Variants in CREBL2 observed in about 807,000 individuals in gnomAD.
CREBL2 encodes cAMP responsive element binding protein like 2.
A neutral mutation model predicts 19.5 loss-of-function variants in CREBL2; 4 were observed. The observed-to-expected ratio is 0.20, with a 90% confidence interval of 0.10 to 0.47. The LOEUF is 0.47. CREBL2 is among the 20% of genes least tolerant of loss of function. CREBL2 has a pLI of 0.98. For synonymous variants in CREBL2, 42 were observed against 46.6 expected (o/e 0.90, Z 0.40); for missense variants, 85 against 145.1 (o/e 0.59, Z 2.13).
intron 1 of CREBL2, among the ~76,000 whole-genome samples, chr12:12,622,169 A>C (rs1337982345): frequency 6.6e-6 from 1 of 152,236 alleles, no homozygotes; most frequent in Non-Finnish European, 1.5e-5. Context: ...GTGTGATCCC[A>C]TACCAAAATA....
At chr12:12,615,145 G>C (rs1053566292) in intron 1 of CREBL2, among the ~76,000 whole-genome samples, 3 of 152,154 alleles carry the variant, frequency 2.0e-5, no homozygotes, top group Non-Finnish European at 4.4e-5. Flanking sequence ...CTCCTGAGTA[G>C]CTGGGATTAC....
intron 2 of CREBL2, 44 bp from the exon 3 acceptor site, chr12:12,637,526 A>G: frequency 8.6e-7 from 1 of 1,169,536 alleles, no homozygotes; most frequent in Non-Finnish European, 1.1e-6. Context: ...TAATTTAAAT[A>G]TGTTTTAAAT....
chr12:12,635,388 T>C (rs1437161519), intron 1 of CREBL2, among the ~76,000 whole-genome samples: 1 of 149,366 alleles, frequency 6.7e-6, no homozygotes, highest in Non-Finnish European at 1.5e-5. Context: ...AAAAAAAAAA[T>C]TGTCATGAAC....
chr12:12,621,558 A>T (rs914817325), intron 1 of CREBL2, among the ~76,000 whole-genome samples: 5 of 151,204 alleles, frequency 3.3e-5, no homozygotes, highest in African/African-American at 1.2e-4. Flanking sequence ...GCAGCAGGCT[A>T]TATTTGAGTT....
At position 12,644,901 on chromosome 12, in the gene CREBL2, T is replaced by C. The variant is rs1945553250; in HGVS notation, c.*2903T>C. 6.6e-6 allele frequency: 1 copy of C among 152,228 alleles called. No homozygotes were observed. Among genetic ancestry groups the C allele is most frequent in the Non-Finnish European group, 1.5e-5 (1 of 68,032 alleles). The allele number at this position is 152,228 out of a possible 1,614,324, so 9.4% of individuals were successfully genotyped here. On this transcript the variant is annotated 3_prime_UTR_variant, in exon 4 of 4. Coordinates refer to ENST00000228865, the MANE Select transcript of CREBL2 (RefSeq NM_001310.4). ...TATATTTCACAAGAAATCAGTTGCA[T>C]ATTATCCATTACATATTTAGTTTTA...
chr12:12,640,027 A>G (rs1167370690), intron 3 of CREBL2, among the ~76,000 whole-genome samples: 1 of 152,140 alleles, frequency 6.6e-6, no homozygotes, highest in African/African-American at 2.4e-5. Context: ...ATCACAGGGC[A>G]AAGGGCAAAA....
At chr12:12,616,474 TAGTG>T (rs1404236613) in intron 1 of CREBL2, among the ~76,000 whole-genome samples, 3 of 152,216 alleles carry the variant, frequency 2.0e-5, no homozygotes, top group African/African-American at 7.2e-5. Context: ...TTGAAAACCT[TAGTG>T]AGCATCAAAA....
At chr12:12,631,274 G>C (rs1192346451) in intron 1 of CREBL2, among the ~76,000 whole-genome samples, 1 of 152,202 alleles carries the variant, frequency 6.6e-6, no homozygotes, top group Non-Finnish European at 1.5e-5. Flanking sequence ...TGGAGGTAGG[G>C]AGACAGGTCT....
intron 1 of CREBL2, among the ~76,000 whole-genome samples, chr12:12,620,033 A>C (rs1945348279): frequency 6.6e-6 from 1 of 152,058 alleles, no homozygotes; most frequent in African/African-American, 2.4e-5. Flanking sequence ...ACATTCCCTC[A>C]TTTATCTTTT....
At chr12:12,614,599 C>G (rs1276087099) in intron 1 of CREBL2, 2 of 243,678 alleles carry the variant, frequency 8.2e-6, no homozygotes, top group Non-Finnish European at 1.6e-5. Context: ...TCCCAAGTGG[C>G]TGGGACTACA....
At chr12:12,619,822 C>G (rs765755423) in intron 1 of CREBL2, among the ~76,000 whole-genome samples, 9 of 152,320 alleles carry the variant, frequency 5.9e-5, no homozygotes, top group African/African-American at 2.2e-4. Context: ...CAACTACTGG[C>G]TGCAGCATGC....
chr12:12,632,328 C>T lies in CREBL2; in HGVS notation c.16-3449C>T, dbSNP rs559772718. Among the ~76,000 whole-genome samples, 181 of 151,994 alleles carry T rather than the reference C, an allele frequency of 1.2e-3. 2 individuals are homozygous for T. Among genetic ancestry groups the T allele is most frequent in the African/African-American group, 4.1e-3 (172 of 41,470 alleles). On this transcript the variant is annotated intron_variant, in intron 1 of 3. Transcript: ENST00000228865. Reference sequence around the variant, plus strand: ...TCCTGACCTCGTGATCCGCCCGCCTCGGCCTCCCAAAGTGCTGGGATTACA... The same window carrying T: ...TCCTGACCTCGTGATCCGCCCGCCTTGGCCTCCCAAAGTGCTGGGATTACA...
chr12:12,627,989 C>T (rs576130121), intron 1 of CREBL2, among the ~76,000 whole-genome samples: 2 of 152,254 alleles, frequency 1.3e-5, no homozygotes, highest in African/African-American at 4.8e-5. Flanking sequence ...AAGCGATTCT[C>T]CTGCCTCAGC....
At chr12:12,635,725 T>C in intron 1 of CREBL2, 52 bp from the exon 2 acceptor site, 1 of 1,546,458 alleles carries the variant, frequency 6.5e-7, no homozygotes, top group Non-Finnish European at 8.7e-7. Flanking sequence ...CATATTCACT[T>C]TTCTGTACAC....
chr12:12,612,021 C>T lies in CREBL2; in HGVS notation c.-152C>T. 2 of 920,134 alleles carry T rather than the reference C, an allele frequency of 2.2e-6. No individual in the cohort carries two copies. Among genetic ancestry groups the T allele is most frequent in the Non-Finnish European group, 1.7e-6 (1 of 599,730 alleles). 57.0% of individuals were successfully genotyped at this position (920,134 alleles called of 1,614,324 possible). Reference sequence around the variant, plus strand: ...CTGAACTGGTCCCTCGTCCCCGTGACTCTGGCATCAGGGAAGCGAACTGTT... The same window carrying T: ...CTGAACTGGTCCCTCGTCCCCGTGATTCTGGCATCAGGGAAGCGAACTGTT... On this transcript the variant is annotated 5_prime_UTR_variant, in exon 1 of 4. Coordinates refer to ENST00000228865, the MANE Select transcript of CREBL2 (RefSeq NM_001310.4).
At chr12:12,641,905 G>GAA in intron 3 of CREBL2, 89 bp from the exon 4 acceptor site, 8 of 800,844 alleles carry the variant, frequency 1.0e-5, no homozygotes, top group South Asian at 5.1e-5. Context: ...ATACTAAACT[G>GAA]AAAAAAAAAA....
At chr12:12,631,749 A>C (rs557059693) in intron 1 of CREBL2, among the ~76,000 whole-genome samples, 2 of 152,152 alleles carry the variant, frequency 1.3e-5, no homozygotes, top group Non-Finnish European at 2.9e-5. Context: ...TTAGTAGTTA[A>C]GGCAACTGGT....
At position 12,644,657 on chromosome 12, in the gene CREBL2, C is replaced by T. The variant is rs1386875203; in HGVS notation, c.*2659C>T. The T allele has an allele frequency of 6.6e-6, 1 of 152,616 alleles. No homozygotes were observed. The highest frequency in any genetic ancestry group is 1.5e-5 in the Non-Finnish European group (1 of 68,036). 9.5% of individuals were successfully genotyped at this position (152,616 alleles called of 1,614,324 possible). On this transcript the variant is annotated 3_prime_UTR_variant, in exon 4 of 4. Transcript: ENST00000228865. ...TTCTTTAAAAAGTTTTCTATTTTATCTAAAATCTTTCCATTATATCTAAAT... is the reference window on the plus strand; with the variant it reads ...TTCTTTAAAAAGTTTTCTATTTTATTTAAAATCTTTCCATTATATCTAAAT...
intron 1 of CREBL2, among the ~76,000 whole-genome samples, chr12:12,617,182 T>A (rs980601378): frequency 1.3e-5 from 2 of 152,180 alleles, no homozygotes; most frequent in Non-Finnish European, 2.9e-5. Flanking sequence ...TTATAGAGAT[T>A]GAATTGAATT....
Sources: gnomAD v4.1 joint callset for allele counts (sites outside exome capture counted in the v4.1 genomes callset) on GRCh38, gnomAD v4.1.1 for gene constraint, MANE v1.5 for transcripts, NCBI Gene and HGNC (gene_info 2026-07-23, HGNC 2026-07-21) for gene names.